The following ZNF804B variants were observed in gnomAD, a reference collection of about 807,000 sequenced individuals.
The protein encoded by ZNF804B is zinc finger protein 804B.
ZNF804B carries 80 observed loss-of-function variants against 101.4 expected under a neutral mutation model. The observed-to-expected ratio is 0.79, with a 90% CI of 0.66 to 0.95. The LOEUF (loss-of-function observed/expected upper bound fraction) is 0.95. ZNF804B is among the 40% of genes least tolerant of loss of function. The probability of loss-of-function intolerance (pLI) is 0.00; values close to 1 mark genes in which losing one functional copy is unlikely to be tolerated. For missense variants in ZNF804B, 1,673 were observed against 1,561.9 expected, an observed-to-expected ratio of 1.07 and a Z score of -1.20; for synonymous variants, 622 against 558.8, an observed-to-expected ratio of 1.11 and a Z score of -1.59.
intron 1 of ZNF804B, among the ~76,000 whole-genome samples, chr7:88,921,356 AGCTCCCG>A (rs1792716190): frequency 6.6e-6 from 1 of 152,092 alleles, no homozygotes; most frequent in Non-Finnish European, 1.5e-5. Flanking sequence ...CTCCAAAAGG[AGCTCCCG>A]AGGTCCGTCC....
chr7:89,158,895 C>G (rs1036310288), intron 1 of ZNF804B, among the ~76,000 whole-genome samples: 1 of 152,114 alleles, frequency 6.6e-6, no homozygotes, highest in Non-Finnish European at 1.5e-5. Context: ...TTGAACCTCT[C>G]TCTATTGTGA....
chr7:89,202,432 A>C (rs748913410), intron 1 of ZNF804B, among the ~76,000 whole-genome samples: 1 of 152,094 alleles, frequency 6.6e-6, no homozygotes, highest in Non-Finnish European at 1.5e-5. Context: ...GGAGGTCTCT[A>C]TTGGGGATGA....
intron 1 of ZNF804B, among the ~76,000 whole-genome samples, chr7:88,894,895 A>C (rs562518807): frequency 1.1e-3 from 168 of 152,250 alleles, no homozygotes; most frequent in African/African-American, 3.8e-3. Context: ...TAGTTAAACT[A>C]TCCTGTATAA....
At chr7:89,085,247 T>A (rs1044691071) in intron 1 of ZNF804B, among the ~76,000 whole-genome samples, 1 of 151,998 alleles carries the variant, frequency 6.6e-6, no homozygotes, top group South Asian at 2.1e-4. Context: ...CCCTTTCACC[T>A]GCACACTTCA....
intron 1 of ZNF804B, among the ~76,000 whole-genome samples, chr7:89,192,502 A>G (rs984379158): frequency 2.6e-5 from 4 of 152,140 alleles, no homozygotes; most frequent in Non-Finnish European, 5.9e-5. Context: ...TGCATGTTCT[A>G]TGATTCCATT....
At chr7:89,168,999 A>G (rs1390144239) in intron 1 of ZNF804B, among the ~76,000 whole-genome samples, 1 of 152,112 alleles carries the variant, frequency 6.6e-6, no homozygotes, top group Non-Finnish European at 1.5e-5. Context: ...TTATAGCTCT[A>G]TTAGAAGCCA....
At chr7:88,841,568 C>T (rs1408838859) in intron 1 of ZNF804B, among the ~76,000 whole-genome samples, 1 of 152,152 alleles carries the variant, frequency 6.6e-6, no homozygotes, top group African/African-American at 2.4e-5. Flanking sequence ...GTAGCTCTTC[C>T]TTTGGCTGAT....
intron 1 of ZNF804B, among the ~76,000 whole-genome samples, chr7:89,046,864 T>G (rs1024371119): frequency 6.6e-6 from 1 of 152,098 alleles, no homozygotes; most frequent in African/African-American, 2.4e-5. Context: ...ATCAATTATA[T>G]CACTGGTGCA....
intron 1 of ZNF804B, among the ~76,000 whole-genome samples, chr7:88,985,634 A>G (rs1022295004): frequency 1.3e-5 from 2 of 152,138 alleles, no homozygotes; most frequent in African/African-American, 2.4e-5. Flanking sequence ...CATTATAGAA[A>G]GAGGAAAAAG....
chr7:89,246,538 G>A (rs1418886900), intron 2 of ZNF804B, among the ~76,000 whole-genome samples: 1 of 152,128 alleles, frequency 6.6e-6, no homozygotes, highest in African/African-American at 2.4e-5. Context: ...CACATTTCCT[G>A]TGCAGAGATC....
rs1562820325 is a variant in ZNF804B at position 88,877,010 on chromosome 7, ATATAT to A, written c.108+116927_108+116931del. ...ACAGAGAATATTTGAAAAAAAAAAT[ATATAT>A]ATATATATATAATATATATATATAT... On this transcript the variant is annotated intron_variant, in intron 1 of 3. Coordinates refer to ENST00000333190, the MANE Select transcript of ZNF804B (RefSeq NM_181646.5). 7.7e-3 allele frequency among the ~76,000 whole-genome samples: 478 copies of A among 61,796 alleles called. 7 individuals carry two copies. Among genetic ancestry groups the A allele is most frequent in the South Asian group, 0.012 (22 of 1,864 alleles). The allele number at this position is 61,796 out of a possible 152,430, so 40.5% of individuals were successfully genotyped here.
chr7:89,187,288 T>A (rs1044279615), intron 1 of ZNF804B, among the ~76,000 whole-genome samples: 1 of 152,148 alleles, frequency 6.6e-6, no homozygotes, highest in Non-Finnish European at 1.5e-5. Flanking sequence ...TGAAAGAGAA[T>A]ATATTTTCTT....
At chr7:89,325,316 A>C (rs1456616726) in intron 2 of ZNF804B, among the ~76,000 whole-genome samples, 2 of 152,090 alleles carry the variant, frequency 1.3e-5, no homozygotes, top group African/African-American at 4.8e-5. Flanking sequence ...TAACTTTGCA[A>C]ACTTCCTAAA....
intron 1 of ZNF804B, among the ~76,000 whole-genome samples, chr7:89,174,586 C>A (rs980967311): frequency 3.3e-5 from 5 of 152,058 alleles, no homozygotes; most frequent in Middle Eastern, 3.4e-3. Context: ...TCAACATACT[C>A]ATTTACTTTC....
At chr7:89,031,396 C>T (rs1291175838) in intron 1 of ZNF804B, among the ~76,000 whole-genome samples, 2 of 151,954 alleles carry the variant, frequency 1.3e-5, no homozygotes, top group East Asian at 3.9e-4. Context: ...CTTTGTACAA[C>T]TGCCTTCTTC....
intron 2 of ZNF804B, among the ~76,000 whole-genome samples, chr7:89,268,424 T>G (rs1789831946): frequency 6.6e-6 from 1 of 152,136 alleles, no homozygotes; most frequent in Admixed American, 6.6e-5. Flanking sequence ...TTAGACTTCT[T>G]TAGAGTCTCT....
At chr7:89,234,735 C>T (rs887673839) in intron 2 of ZNF804B, among the ~76,000 whole-genome samples, 11 of 152,222 alleles carry the variant, frequency 7.2e-5, no homozygotes, top group African/African-American at 2.4e-4. Flanking sequence ...GGACATCAGA[C>T]TCCAGGTTCT....
intron 1 of ZNF804B, among the ~76,000 whole-genome samples, chr7:89,009,938 C>T (rs1788429887): frequency 6.6e-6 from 1 of 152,158 alleles, no homozygotes; most frequent in Admixed American, 6.6e-5. Flanking sequence ...TCTTTTAATT[C>T]CCTATACACA....
At chr7:88,856,203 G>T (rs1006469891) in intron 1 of ZNF804B, among the ~76,000 whole-genome samples, 2 of 152,122 alleles carry the variant, frequency 1.3e-5, no homozygotes, top group Non-Finnish European at 2.9e-5. Flanking sequence ...GGGCAGCATG[G>T]CCATTTTCAC....
Sources: gnomAD v4.1 joint callset for allele counts (sites outside exome capture counted in the v4.1 genomes callset) on GRCh38, gnomAD v4.1.1 for gene constraint, MANE v1.5 for transcripts, NCBI Gene and HGNC (gene_info 2026-07-23, HGNC 2026-07-21) for gene names.